DYDC1: variants seen among roughly 807,000 people sequenced by gnomAD.
The protein encoded by DYDC1 is DPY30 domain containing 1, also known as DPY30 domain-containing protein 1.
A neutral mutation model predicts 27.9 loss-of-function variants in DYDC1; 21 were observed. That is an observed-to-expected ratio of 0.75 (90% CI 0.53 to 1.08). The LOEUF (loss-of-function observed/expected upper bound fraction) is 1.08. DYDC1 is among the 50% of genes least tolerant of loss of function. The probability of loss-of-function intolerance (pLI) is 0.00; values close to 1 mark genes in which losing one functional copy is unlikely to be tolerated. For synonymous variants in DYDC1, 67 were observed against 65.8 expected, an observed-to-expected ratio of 1.02 and a Z score of -0.09; for missense variants, 202 against 205.9, an observed-to-expected ratio of 0.98 and a Z score of 0.12.
chr10:80,346,822 C>T (rs749629112), intron 3 of DYDC1, among the ~76,000 whole-genome samples: 3 of 151,760 alleles, frequency 2.0e-5, no homozygotes, highest in Non-Finnish European at 1.5e-5. Context: ...TGCCTGTAAT[C>T]CTAACACTTT....
chr10:80,349,082 G>A (rs1372738245), intron 3 of DYDC1, among the ~76,000 whole-genome samples: 9 of 152,174 alleles, frequency 5.9e-5, no homozygotes, highest in Non-Finnish European at 2.9e-5. Context: ...TAGTAGAGAC[G>A]GGGTTTCACC....
intron 3 of DYDC1, among the ~76,000 whole-genome samples, chr10:80,345,460 TC>T (rs1842555953): frequency 6.6e-6 from 1 of 152,186 alleles, no homozygotes; most frequent in African/African-American, 2.4e-5. Flanking sequence ...TTAAAAATTT[TC>T]CAGTACACAA....
Position 80,338,452 on chromosome 10 carries a change from C to T in DYDC1, c.504+15G>A, listed in dbSNP as rs752685039. The T allele has an allele frequency of 6.2e-7, 1 of 1,609,080 alleles. No homozygotes were observed. The highest frequency in any genetic ancestry group is 8.5e-7 in the Non-Finnish European group (1 of 1,178,266). On this transcript the variant is annotated intron_variant, in intron 6 of 6. Transcript: ENST00000372202. ...AACAAAAACGAGTTTTTTCACAAAA[C>T]ACACTGATACTGACATCAGAAAACA... is the stretch of plus-strand genomic sequence containing the variant.
intron 3 of DYDC1, among the ~76,000 whole-genome samples, chr10:80,349,686 A>C (rs1316606316): frequency 6.6e-6 from 1 of 152,228 alleles, no homozygotes; most frequent in Non-Finnish European, 1.5e-5. Flanking sequence ...TCTCAACAAT[A>C]ATGCAAAGTG....
chr10:80,350,283 T>C (rs1331971562), intron 3 of DYDC1, among the ~76,000 whole-genome samples: 2 of 152,226 alleles, frequency 1.3e-5, no homozygotes, highest in South Asian at 4.1e-4. Flanking sequence ...AAATTATGCA[T>C]AAGTAGGATA....
intron 1 of DYDC1, chr10:80,356,148 G>C (rs1843354863): frequency 1.4e-6 from 1 of 735,990 alleles, no homozygotes. Flanking sequence ...GGGCATATCA[G>C]TGGGACCCAG....
At chr10:80,356,568 A>G in intron 1 of DYDC1, 144 bp downstream of exon 1, 1 of 985,498 alleles carries the variant, frequency 1.0e-6, no homozygotes, top group South Asian at 4.7e-5. Context: ...CGGGAGCCCC[A>G]GGCGCGAAGC....
At chr10:80,346,524 G>C (rs866542691) in intron 3 of DYDC1, among the ~76,000 whole-genome samples, 4 of 141,348 alleles carry the variant, frequency 2.8e-5, no homozygotes, top group African/African-American at 8.0e-5. Flanking sequence ...GCAGTGGCGC[G>C]ATCTCAGCTC....
chr10:80,347,166 G>T (rs1187722263), intron 3 of DYDC1, among the ~76,000 whole-genome samples: 1 of 151,690 alleles, frequency 6.6e-6, no homozygotes, highest in African/African-American at 2.4e-5. Flanking sequence ...CTGATGACTA[G>T]CGGTGTTGAA....
At chr10:80,352,104 A>G in intron 2 of DYDC1, 102 bp from the exon 3 acceptor site, 1 of 1,084,558 alleles carries the variant, frequency 9.2e-7, no homozygotes, top group Non-Finnish European at 1.4e-6. Flanking sequence ...GGAAAGTGTT[A>G]AGCAAATTAT....
chr10:80,347,562 C>T (rs948824566), intron 3 of DYDC1, among the ~76,000 whole-genome samples: 10 of 152,058 alleles, frequency 6.6e-5, no homozygotes, highest in African/African-American at 2.2e-4. Flanking sequence ...ATTATGTTTT[C>T]TTCCGGGAGT....
intron 2 of DYDC1, 96 bp from the exon 3 acceptor site, chr10:80,352,098 A>T: frequency 8.8e-7 from 1 of 1,135,582 alleles, no homozygotes; most frequent in Admixed American, 1.9e-5. Flanking sequence ...AATTAGGGAA[A>T]GTGTTAAGCA....
intron 6 of DYDC1, chr10:80,337,071 T>C: frequency 1.0e-6 from 1 of 958,920 alleles, no homozygotes; most frequent in African/African-American, 1.8e-5. Context: ...CACACCATTT[T>C]CCTAGCTCCA....
chr10:80,356,109 G>C (rs562744545), intron 1 of DYDC1, among the ~76,000 whole-genome samples: 1 of 152,222 alleles, frequency 6.6e-6, no homozygotes, highest in Non-Finnish European at 1.5e-5. Flanking sequence ...AGCGGGGCCA[G>C]GTCAGGGGAG....
intron 4 of DYDC1, among the ~76,000 whole-genome samples, chr10:80,341,152 C>T (rs1842303973): frequency 6.6e-6 from 1 of 151,974 alleles, no homozygotes; most frequent in African/African-American, 2.4e-5. Flanking sequence ...TAGCTATAAA[C>T]TCAGTCATCT....
intron 6 of DYDC1, 135 bp downstream of exon 6, chr10:80,338,332 T>G (rs778931641): frequency 2.0e-5 from 28 of 1,377,560 alleles, no homozygotes; most frequent in Non-Finnish European, 2.6e-5. Flanking sequence ...GGAACTGATT[T>G]TCTTTCTCTG....
intron 3 of DYDC1, among the ~76,000 whole-genome samples, chr10:80,346,829 C>T (rs1229297554): frequency 6.6e-6 from 1 of 151,904 alleles, no homozygotes; most frequent in Non-Finnish European, 1.5e-5. Flanking sequence ...AATCCTAACA[C>T]TTTGGGAGGC....
At position 80,352,525 on chromosome 10, in the gene DYDC1, G is replaced by A; in HGVS notation, c.77C>T (p.Pro26Leu). ...TGCTAAATATTCTATCGGATCCACTGGGCGAACTCTTGCCACTTCTGCAAG... is the reference window on the plus strand; with the variant it reads ...TGCTAAATATTCTATCGGATCCACTAGGCGAACTCTTGCCACTTCTGCAAG... Reference protein sequence around the residue: ...QGLAEVARVRPVDPIEYLALW... With the variant: ...QGLAEVARVRLVDPIEYLALW... Residue 26 changes from proline to leucine, a missense_variant, in exon 2 of 7, where the codon CCA (proline) becomes CTA (leucine). Physicochemically the swap from Pro to Leu is moderately conservative, Grantham distance 98 (BLOSUM62 -3). Coordinates refer to ENST00000372202, the MANE Select transcript of DYDC1 (RefSeq NM_001269053.2). 6.2e-7 allele frequency: 1 copy of A among 1,613,474 alleles called. No homozygotes were observed.
Position 80,342,337 on chromosome 10 carries a change from A to G in DYDC1, c.274T>C (p.Leu92=), listed in dbSNP as rs193071269. 4 of 1,613,592 alleles carry G rather than the reference A, an allele frequency of 2.5e-6. No homozygotes were observed. Among genetic ancestry groups the G allele is most frequent in the Non-Finnish European group, 3.4e-6 (4 of 1,179,898 alleles). The change falls in exon 4 of 7, where the codon TTG becomes CTG. Residue 92 remains leucine (L), a synonymous_variant. Transcript: ENST00000372202. Reference sequence around the variant, plus strand: ...TGCCTCTCCTTTTCTTGCATTTCCAACTCTAGCTGCAATGCCAGCTGTTGC... The same window carrying G: ...TGCCTCTCCTTTTCTTGCATTTCCAGCTCTAGCTGCAATGCCAGCTGTTGC... ...QQQQLALQLE[L]EMQEKERQRI...
Sources: gnomAD v4.1 joint callset for allele counts (sites outside exome capture counted in the v4.1 genomes callset) on GRCh38, gnomAD v4.1.1 for gene constraint, MANE v1.5 for transcripts, NCBI Gene and HGNC (gene_info 2026-07-23, HGNC 2026-07-21) for gene names.